The following PARD3B variants were observed in gnomAD, a reference collection of about 807,000 sequenced individuals.
PARD3B encodes the protein par-3 family cell polarity regulator beta, also known as partitioning defective 3 homolog B.
A neutral mutation model predicts 130.2 loss-of-function variants in PARD3B; 103 were observed. The ratio of observed to expected loss-of-function variants is 0.79; its 90% CI spans 0.67 to 0.93. PARD3B has a LOEUF of 0.93. Among genes scored for constraint, PARD3B ranks in the 40% least tolerant of loss-of-function variants. PARD3B has a pLI of 0.00. For synonymous variants in PARD3B, 583 were observed against 553.2 expected (o/e 1.05, Z -0.76); for missense variants, 1,609 against 1,499.2 (o/e 1.07, Z -1.21).
chr2:204,730,598 A>AG (rs1289188654), intron 2 of PARD3B, among the ~76,000 whole-genome samples: 1 of 151,220 alleles, frequency 6.6e-6, no homozygotes, highest in African/African-American at 2.4e-5. Context: ...AAAAAAAAAA[A>AG]GTAGTGGGAA....
In PARD3B at chr2:205,122,323, G is replaced by A. The variant is rs1160150376; in HGVS notation, c.1165+374G>A. On this transcript the variant is annotated intron_variant, in intron 8 of 22. Transcript: ENST00000406610. This position sits in a 1 kb window ranked among gnomAD's most constrained non-coding sequence, Gnocchi z 4.3. ...GCATCCTTTAGGCCATGTCCAAAAA[G>A]CATATTGTTTTTCTAAGACAGTCTT... Among the ~76,000 whole-genome samples, 1 of 152,098 alleles carries A rather than the reference G, an allele frequency of 6.6e-6. No individual in the cohort carries two copies. Among genetic ancestry groups the A allele is most frequent in the Non-Finnish European group, 1.5e-5 (1 of 67,996 alleles).
intron 2 of PARD3B, among the ~76,000 whole-genome samples, chr2:204,746,230 T>C (rs2040222595): frequency 6.7e-6 from 1 of 148,512 alleles, no homozygotes; most frequent in Non-Finnish European, 1.5e-5. Flanking sequence ...GAACATGCAG[T>C]GTTTGTTTTT....
chr2:205,312,149 C>T (rs2042409662), intron 18 of PARD3B, among the ~76,000 whole-genome samples: 1 of 152,148 alleles, frequency 6.6e-6, no homozygotes, highest in South Asian at 2.1e-4. Context: ...TGTAATGTGG[C>T]CGCAGCCTGT....
chr2:205,055,722 G>C (rs1369385895), intron 4 of PARD3B, among the ~76,000 whole-genome samples: 1 of 152,076 alleles, frequency 6.6e-6, no homozygotes, highest in South Asian at 2.1e-4. Context: ...TTATTAAGTT[G>C]GTTGGTATGA....
intron 19 of PARD3B, among the ~76,000 whole-genome samples, chr2:205,412,726 C>T (rs2046643285): frequency 6.6e-6 from 1 of 152,176 alleles, no homozygotes; most frequent in Non-Finnish European, 1.5e-5. Context: ...AATCACTGTG[C>T]CATTTCTAGT....
At chr2:204,770,777 C>T (rs539313745) in intron 2 of PARD3B, among the ~76,000 whole-genome samples, 1 of 152,156 alleles carries the variant, frequency 6.6e-6, no homozygotes, top group South Asian at 2.1e-4. Flanking sequence ...CTCTGCTCAC[C>T]CTTCTCCCAC....
chr2:204,666,921 C>G (rs889279145), intron 1 of PARD3B, among the ~76,000 whole-genome samples: 2 of 152,086 alleles, frequency 1.3e-5, no homozygotes, highest in African/African-American at 4.8e-5. Context: ...AGTCATGTAT[C>G]TAGGACTGAG....
intron 4 of PARD3B, among the ~76,000 whole-genome samples, chr2:205,057,452 A>G (rs1272526203): frequency 2.8e-5 from 3 of 108,072 alleles, no homozygotes; most frequent in East Asian, 5.1e-4. Flanking sequence ...ACATATACAT[A>G]TATACATGTA....
At chr2:204,713,914 A>G (rs2038592066) in intron 2 of PARD3B, among the ~76,000 whole-genome samples, 1 of 152,140 alleles carries the variant, frequency 6.6e-6, no homozygotes, top group South Asian at 2.1e-4. Context: ...GTATTTGGAA[A>G]GGTCTAGATG....
chr2:205,483,956 G>A (rs1011553660), intron 20 of PARD3B, among the ~76,000 whole-genome samples: 8 of 151,972 alleles, frequency 5.3e-5, no homozygotes, highest in African/African-American at 1.2e-4. Context: ...ATAACACAAC[G>A]CCATTCCACA....
intron 2 of PARD3B, among the ~76,000 whole-genome samples, chr2:204,821,823 G>A (rs893496487): frequency 6.6e-6 from 1 of 152,122 alleles, no homozygotes; most frequent in Non-Finnish European, 1.5e-5. Context: ...CTTCCACCAT[G>A]ATTGTGAGGC....
rs866314314 is a variant in PARD3B, at chr2:205,352,388, G to T, written c.2631-48625G>T. ...GACTCTTGTAAATGGGTTTCATATG[G>T]TAACTAGTGACCTTGAAGGACTCAA... On this transcript the variant is annotated intron_variant, in intron 18 of 22. Transcript: ENST00000406610. This position sits in a 1 kb window ranked among gnomAD's most constrained non-coding sequence, Gnocchi z 5.2. 3.3e-5 allele frequency among the ~76,000 whole-genome samples: 5 copies of T among 152,238 alleles called. No homozygotes were observed. Among genetic ancestry groups the T allele is most frequent in the South Asian group, 4.1e-4 (2 of 4,820 alleles).
In PARD3B at chr2:205,187,356, G is replaced by A. The variant is rs149885959; in HGVS notation, c.2024+1493G>A. Among the ~76,000 whole-genome samples, 6 of 152,312 alleles carry A rather than the reference G, an allele frequency of 3.9e-5. No individual in the cohort carries two copies. The East Asian group carries it at 1.2e-3, about 29-fold the overall frequency. On this transcript the variant is annotated intron_variant, in intron 14 of 22. Transcript: ENST00000406610. The surrounding 1 kb of genome is among the most constrained non-coding windows in gnomAD (Gnocchi z 4.9). ...CCAGAGTGCAAGAATAAGGTATGCA[G>A]ACTTCATTTGGTAGATAGTCAATCT...
intron 21 of PARD3B, among the ~76,000 whole-genome samples, chr2:205,522,620 A>C (rs1380252757): frequency 6.6e-6 from 1 of 152,108 alleles, no homozygotes; most frequent in Non-Finnish European, 1.5e-5. Flanking sequence ...GTGCTGGAGG[A>C]TAGCAAAGAG....
intron 1 of PARD3B, among the ~76,000 whole-genome samples, chr2:204,565,553 A>G (rs1185251063): frequency 3.3e-5 from 5 of 152,192 alleles, no homozygotes; most frequent in Admixed American, 3.3e-4. Context: ...TAACATTACT[A>G]TCAATTTCAT....
At chr2:204,656,785 A>G (rs1187793675) in intron 1 of PARD3B, among the ~76,000 whole-genome samples, 1 of 152,200 alleles carries the variant, frequency 6.6e-6, no homozygotes, top group South Asian at 2.1e-4. Flanking sequence ...AGACTTGTGC[A>G]AATAGTGAGA....
chr2:204,885,159 A>T (rs1033612236), intron 2 of PARD3B, among the ~76,000 whole-genome samples: 3 of 152,272 alleles, frequency 2.0e-5, no homozygotes, highest in East Asian at 1.9e-4. Context: ...TGACTTTTTA[A>T]TAATCACCAT....
intron 2 of PARD3B, among the ~76,000 whole-genome samples, chr2:204,834,298 C>A (rs1028397042): frequency 1.3e-5 from 2 of 152,092 alleles, no homozygotes; most frequent in African/African-American, 4.8e-5. Flanking sequence ...TAGTGCCCAG[C>A]ACAGAATACA....
chr2:205,398,390 T>G (rs2046111206), intron 18 of PARD3B, among the ~76,000 whole-genome samples: 1 of 151,874 alleles, frequency 6.6e-6, no homozygotes, highest in African/African-American at 2.4e-5. Context: ...ATTTCTTCAG[T>G]GAAAAAAAAG....
Sources: gnomAD v4.1 joint callset for allele counts (sites outside exome capture counted in the v4.1 genomes callset) on GRCh38, gnomAD v4.1.1 for gene constraint, Gnocchi (gnomAD v3.1) non-coding constraint, MANE v1.5 for transcripts, NCBI Gene and HGNC (gene_info 2026-07-23, HGNC 2026-07-21) for gene names.